Variants in TANGO6 observed in about 807,000 individuals in gnomAD.
TANGO6 encodes transport and golgi organization 6 homolog, also known as transport and Golgi organization protein 6 homolog.
TANGO6 carries 90 observed loss-of-function variants against 114.2 expected under a neutral mutation model. That is an observed-to-expected ratio of 0.79 (90% CI 0.66 to 0.94). The LOEUF is 0.94. TANGO6 is among the 40% of genes least tolerant of loss of function. The pLI is 0.00. For missense variants in TANGO6, 1,274 were observed against 1,315.3 expected (o/e 0.97, Z 0.49); for synonymous variants, 477 against 509.8 (o/e 0.94, Z 0.87).
intron 14 of TANGO6, among the ~76,000 whole-genome samples, chr16:68,942,848 T>G (rs763169481): frequency 5.9e-5 from 9 of 152,048 alleles, no homozygotes; most frequent in Non-Finnish European, 1.0e-4. Context: ...ACTGCAAAAG[T>G]CAAGCCTCTG....
intron 15 of TANGO6, among the ~76,000 whole-genome samples, chr16:69,020,904 ATGTGTGTGTGTGTGTGTGTG>A (rs34350425): frequency 2.3e-5 from 2 of 87,284 alleles, no homozygotes; most frequent in African/African-American, 5.7e-5. Context: ...ATATGTATGT[ATGTGTGTGTGTGTGTGTGTG>A]TGTGTGTGTG....
At chr16:69,043,391 C>G (rs1959803752) in intron 17 of TANGO6, among the ~76,000 whole-genome samples, 1 of 151,860 alleles carries the variant, frequency 6.6e-6, no homozygotes, top group Non-Finnish European at 1.5e-5. Context: ...TTTCTCACAT[C>G]TGTGCCTAGC....
At chr16:68,955,054 T>C (rs1476055062) in intron 14 of TANGO6, among the ~76,000 whole-genome samples, 1 of 152,180 alleles carries the variant, frequency 6.6e-6, no homozygotes, top group East Asian at 1.9e-4. Flanking sequence ...ACAGATGGCT[T>C]CCCTCGGTGT....
intron 12 of TANGO6, among the ~76,000 whole-genome samples, chr16:68,924,094 C>T (rs893282768): frequency 1.3e-5 from 2 of 152,166 alleles, no homozygotes; most frequent in African/African-American, 4.8e-5. Flanking sequence ...ATCAAACTGG[C>T]TAAAAAAGCC....
intron 7 of TANGO6, among the ~76,000 whole-genome samples, chr16:68,886,355 T>C (rs1962538954): frequency 6.6e-6 from 1 of 151,520 alleles, no homozygotes; most frequent in African/African-American, 2.4e-5. Context: ...GTAGCTCGGA[T>C]TACAGGCATG....
chr16:68,990,699 G>T (rs547616372), intron 15 of TANGO6, among the ~76,000 whole-genome samples: 20 of 152,306 alleles, frequency 1.3e-4, no homozygotes, highest in African/African-American at 4.6e-4. Flanking sequence ...GAGCCACCAT[G>T]CCTGGCTACC....
Position 68,860,476 on chromosome 16 carries a change from A to G in TANGO6, c.687A>G (p.Gln229=). 6.2e-7 allele frequency: 1 copy of G among 1,613,938 alleles called. No individual in the cohort carries two copies. Among genetic ancestry groups the G allele is most frequent in the Non-Finnish European group, 8.5e-7 (1 of 1,179,884 alleles). The part of the protein sequence containing the change: ...HFGDIAAGLC[Q]LGFCPTKRKL... Reference sequence around the variant, plus strand: ...GGGATATCGCAGCAGGTCTGTGCCAACTGGGATTCTGCCCAACCAAAAGAA... The same window carrying G: ...GGGATATCGCAGCAGGTCTGTGCCAGCTGGGATTCTGCCCAACCAAAAGAA... The change falls in exon 2 of 18, where the codon CAA becomes CAG. Residue 229 remains glutamine (Q), a synonymous_variant. Transcript: ENST00000261778.
intron 6 of TANGO6, 98 bp from the exon 7 acceptor site, chr16:68,880,450 A>ACTGAGCC (rs1962441640): frequency 2.7e-6 from 2 of 733,990 alleles, no homozygotes; most frequent in East Asian, 5.6e-5. Flanking sequence ...GGTGTTACTT[A>ACTGAGCC]CTGAGCCATC....
intron 1 of TANGO6, among the ~76,000 whole-genome samples, chr16:68,846,310 G>C (rs912003092): frequency 1.1e-4 from 17 of 152,136 alleles, no homozygotes; most frequent in Admixed American, 8.5e-4. Context: ...AGGATTACAG[G>C]CGCGAGCCAC....
At chr16:68,961,284 C>T (rs140356443) in intron 14 of TANGO6, among the ~76,000 whole-genome samples, 51 of 152,278 alleles carry the variant, frequency 3.3e-4, no homozygotes, top group African/African-American at 1.1e-3. Flanking sequence ...TTATTTTCTC[C>T]GAGGCACTGC....
At chr16:68,917,688 G>A (rs1242554911) in intron 11 of TANGO6, among the ~76,000 whole-genome samples, 2 of 152,084 alleles carry the variant, frequency 1.3e-5, no homozygotes, top group African/African-American at 4.8e-5. Flanking sequence ...CTTTTCATAT[G>A]CTTTTTTGCC....
intron 16 of TANGO6, among the ~76,000 whole-genome samples, chr16:69,039,495 G>T (rs1959741760): frequency 6.6e-6 from 1 of 151,872 alleles, no homozygotes; most frequent in South Asian, 2.1e-4. Flanking sequence ...AATTAGCCAG[G>T]CATGGTGGCG....
chr16:68,864,581 TA>T (rs144983321), intron 3 of TANGO6, among the ~76,000 whole-genome samples: 16 of 146,800 alleles, frequency 1.1e-4, no homozygotes, highest in Non-Finnish European at 2.0e-4. Context: ...ATCTTGTCTT[TA>T]AAAAAAAAAC....
chr16:68,939,894 C>G (rs1230174009), intron 14 of TANGO6, among the ~76,000 whole-genome samples: 1 of 152,024 alleles, frequency 6.6e-6, no homozygotes, highest in Non-Finnish European at 1.5e-5. Context: ...TTCTAGTGTG[C>G]TGTACATATC....
intron 15 of TANGO6, among the ~76,000 whole-genome samples, chr16:69,007,810 T>C (rs1964107006): frequency 6.6e-6 from 1 of 152,174 alleles, no homozygotes; most frequent in Admixed American, 6.5e-5. Context: ...TCACCAGGGC[T>C]TATTATTGTC....
chr16:69,006,430 G>A (rs949114076), intron 15 of TANGO6, among the ~76,000 whole-genome samples: 3 of 152,016 alleles, frequency 2.0e-5, no homozygotes, highest in East Asian at 1.9e-4. Context: ...CCTTTCATTC[G>A]CAAAGTTTCA....
intron 15 of TANGO6, among the ~76,000 whole-genome samples, chr16:69,012,786 C>T (rs1299902337): frequency 6.6e-6 from 1 of 151,886 alleles, no homozygotes; most frequent in Non-Finnish European, 1.5e-5. Flanking sequence ...TGAATGTTTG[C>T]CCTTGTCAGG....
At chr16:69,000,625 T>A (rs1964032602) in intron 15 of TANGO6, among the ~76,000 whole-genome samples, 1 of 151,800 alleles carries the variant, frequency 6.6e-6, no homozygotes, top group Non-Finnish European at 1.5e-5. Context: ...AGGCTGTCAC[T>A]CTCTCACCCA....
In TANGO6 at chr16:69,060,595, T is replaced by TA. The variant is rs913094985; in HGVS notation, c.3108+20185dup. ...AGGCAACAGAGAAGACTCTGTCTCT[T>TA]AAAAAAAAAAAGAAAAAGAAAAAAA... On this transcript the variant is annotated intron_variant, in intron 17 of 17. Transcript: ENST00000261778. Among the ~76,000 whole-genome samples, 465 of 134,886 alleles carry TA rather than the reference T, an allele frequency of 3.4e-3. 1 individual carries two copies. The highest frequency in any genetic ancestry group is 0.011 in the African/African-American group (408 of 36,700). 88.5% of individuals were successfully genotyped at this position (134,886 alleles called of 152,430 possible).
Sources: gnomAD v4.1 joint callset for allele counts (sites outside exome capture counted in the v4.1 genomes callset) on GRCh38, gnomAD v4.1.1 for gene constraint, MANE v1.5 for transcripts, NCBI Gene and HGNC (gene_info 2026-07-23, HGNC 2026-07-21) for gene names.